Variants in DOCK2 observed in about 807,000 individuals in gnomAD.
DOCK2 encodes dedicator of cytokinesis protein 2.
DOCK2 carries 87 observed loss-of-function variants against 248.9 expected under a neutral mutation model. The observed-to-expected ratio is 0.35, with a 90% CI of 0.29 to 0.42. DOCK2 has a LOEUF of 0.42. DOCK2 is among the 10% of genes least tolerant of loss of function. The pLI is 1.00. For synonymous variants in DOCK2, 805 were observed against 821.6 expected, an observed-to-expected ratio of 0.98 and a Z score of 0.35; for missense variants, 1,747 against 2,300.2, an observed-to-expected ratio of 0.76 and a Z score of 4.92.
chr5:169,879,790 G>A (rs79303233), intron 27 of DOCK2, among the ~76,000 whole-genome samples: 2 of 152,244 alleles, frequency 1.3e-5, no homozygotes, highest in African/African-American at 4.8e-5. Context: ...TTTCAGATGG[G>A]GAAAATGATT....
chr5:169,656,565 G>A (rs1046708403), intron 2 of DOCK2, among the ~76,000 whole-genome samples: 16 of 152,158 alleles, frequency 1.1e-4, no homozygotes, highest in East Asian at 3.9e-4. Context: ...CGTGCACCTC[G>A]GCCTCCCAAA....
chr5:169,803,350 A>T, intron 26 of DOCK2, 144 bp downstream of exon 26: 1 of 1,058,108 alleles, frequency 9.5e-7, no homozygotes. Context: ...TTTTCCTGTG[A>T]CTAACCCCCA....
intron 27 of DOCK2, among the ~76,000 whole-genome samples, chr5:169,898,529 AACAAC>A (rs2113568372): frequency 1.5e-5 from 1 of 65,306 alleles, no homozygotes; most frequent in East Asian, 2.8e-4. Context: ...ACACACACAA[AACAAC>A]AACAACAACA....
At chr5:169,812,167 T>A (rs1341894591) in intron 26 of DOCK2, among the ~76,000 whole-genome samples, 3 of 152,190 alleles carry the variant, frequency 2.0e-5, no homozygotes, top group Admixed American at 2.0e-4. Context: ...CATCTGTATT[T>A]ACAGTCACTC....
At chr5:169,993,383 G>A (rs1190682836) in intron 29 of DOCK2, among the ~76,000 whole-genome samples, 4 of 152,170 alleles carry the variant, frequency 2.6e-5, no homozygotes, top group Non-Finnish European at 5.9e-5. Context: ...GCCTTTAGAA[G>A]AATGAAGCAG....
At chr5:169,759,507 G>A (rs1371345125) in intron 23 of DOCK2, among the ~76,000 whole-genome samples, 198 bp from the exon 24 acceptor site, 1 of 152,218 alleles carries the variant, frequency 6.6e-6, no homozygotes, top group Non-Finnish European at 1.5e-5. Context: ...TTGAAGACAG[G>A]AGTTGTGACT....
At chr5:169,756,791 G>A (rs750448464) in intron 23 of DOCK2, among the ~76,000 whole-genome samples, 9 of 152,120 alleles carry the variant, frequency 5.9e-5, no homozygotes, top group Non-Finnish European at 1.3e-4. Context: ...TGGACGTGGT[G>A]GCACACGCCT....
chr5:169,966,156 A>G (rs947999178), intron 27 of DOCK2, among the ~76,000 whole-genome samples: 2 of 152,220 alleles, frequency 1.3e-5, no homozygotes, highest in Non-Finnish European at 2.9e-5. Context: ...TAATCCCATT[A>G]TGGTAGGAGC....
At chr5:169,648,019 A>G (rs1368357012) in intron 1 of DOCK2, among the ~76,000 whole-genome samples, 2 of 152,062 alleles carry the variant, frequency 1.3e-5, no homozygotes, top group Non-Finnish European at 2.9e-5. Context: ...TGATTTCACC[A>G]TAAACTCTCT....
intron 27 of DOCK2, among the ~76,000 whole-genome samples, chr5:169,864,774 G>T (rs1771434015): frequency 1.3e-5 from 2 of 152,148 alleles, no homozygotes; most frequent in Admixed American, 1.3e-4. Flanking sequence ...TTTGGCATGT[G>T]TTATGCATGA....
At chr5:169,845,379 A>G (rs1262477342) in intron 27 of DOCK2, among the ~76,000 whole-genome samples, 1 of 151,892 alleles carries the variant, frequency 6.6e-6, no homozygotes, top group African/African-American at 2.4e-5. Flanking sequence ...GCAATTCTCT[A>G]TTTGTAGGCT....
rs61670398 is a variant in DOCK2, at chr5:169,807,833, C to CAAAAAAAAAAAAAAAAAAA, written c.2703+4635_2703+4653dup. ...TGGGAGACAGAGCAAGACTCTGTCT[C>CAAAAAAAAAAAAAAAAAAA]AAAAAAAAAAAAAAAAAAAAAAAAA... On this transcript the variant is annotated intron_variant, in intron 26 of 51. Transcript: ENST00000520908. 5.9e-3 allele frequency among the ~76,000 whole-genome samples: 142 copies of CAAAAAAAAAAAAAAAAAAA among 24,218 alleles called. 16 individuals carry two copies. The highest frequency in any genetic ancestry group is 0.013 in the Non-Finnish European group (114 of 8,598). The allele number at this position is 24,218 out of a possible 152,430, so 15.9% of individuals were successfully genotyped here. A position where few individuals can be genotyped will look rare whatever the true frequency, so the allele number is the denominator to read the frequency against.
At chr5:169,713,870 G>A (rs1761723554) in intron 17 of DOCK2, among the ~76,000 whole-genome samples, 158 bp from the exon 18 acceptor site, 1 of 152,150 alleles carries the variant, frequency 6.6e-6, no homozygotes, top group Non-Finnish European at 1.5e-5. Flanking sequence ...TGGAAAAACA[G>A]TCCTGCCTCA....
intron 27 of DOCK2, among the ~76,000 whole-genome samples, chr5:169,874,483 G>C (rs1368399974): frequency 6.6e-6 from 1 of 151,766 alleles, no homozygotes; most frequent in South Asian, 2.1e-4. Flanking sequence ...GCGGGTGGTG[G>C]TGGCAGATTC....
intron 3 of DOCK2, among the ~76,000 whole-genome samples, chr5:169,669,575 A>G (rs1213078115): frequency 6.6e-6 from 1 of 151,962 alleles, no homozygotes; most frequent in Non-Finnish European, 1.5e-5. Flanking sequence ...TATGCCACTC[A>G]CTTATGATTT....
chr5:169,926,023 C>T (rs997208933), intron 27 of DOCK2, among the ~76,000 whole-genome samples: 10 of 152,140 alleles, frequency 6.6e-5, no homozygotes, highest in Admixed American at 3.9e-4. Flanking sequence ...GGCAGGATGT[C>T]GTCAGCTCTG....
At position 170,035,385 on chromosome 5, in the gene DOCK2, C is replaced by A. The variant is rs891097182; in HGVS notation, c.3624+830C>A. ...AGCTCTGTTGTGTGGCCTCCCTTTA[C>A]CCTAAATAGACTTTTTTTTTCAACA... On this transcript the variant is annotated intron_variant, in intron 35 of 51. Transcript: ENST00000520908. 3.3e-5 allele frequency among the ~76,000 whole-genome samples: 5 copies of A among 152,178 alleles called. No individual in the cohort carries two copies. In the East Asian group the frequency reaches 7.7e-4, roughly 23 times the overall value.
chr5:169,773,999 CCT>C (rs1765243714), intron 25 of DOCK2, among the ~76,000 whole-genome samples: 1 of 152,140 alleles, frequency 6.6e-6, no homozygotes, highest in Admixed American at 6.5e-5. Flanking sequence ...GTCCATTAAA[CCT>C]CTTTTTCTTT....
At chr5:169,897,816 C>T (rs1773700073) in intron 27 of DOCK2, among the ~76,000 whole-genome samples, 1 of 152,168 alleles carries the variant, frequency 6.6e-6, no homozygotes, top group Non-Finnish European at 1.5e-5. Flanking sequence ...TCCTTCATCC[C>T]AGGATACTTT....
Sources: gnomAD v4.1 joint callset for allele counts (sites outside exome capture counted in the v4.1 genomes callset) on GRCh38, gnomAD v4.1.1 for gene constraint, MANE v1.5 for transcripts, NCBI Gene and HGNC (gene_info 2026-07-23, HGNC 2026-07-21) for gene names.